The following FKBP1A variants were observed in gnomAD, a reference collection of about 807,000 sequenced individuals.
The protein encoded by FKBP1A is FKBP prolyl isomerase 1A.
A neutral mutation model predicts 14.2 loss-of-function variants in FKBP1A; 5 were observed. The ratio of observed to expected loss-of-function variants is 0.35; its 90% confidence interval spans 0.18 to 0.74. The LOEUF (loss-of-function observed/expected upper bound fraction) is 0.74. Ranked by LOEUF, FKBP1A falls within the 30% of genes least tolerant of loss-of-function variation. FKBP1A has a pLI of 0.56. For synonymous variants in FKBP1A, 42 were observed against 49.1 expected, an observed-to-expected ratio of 0.86 and a Z score of 0.60; for missense variants, 53 against 138.8, an observed-to-expected ratio of 0.38 and a Z score of 3.10.
At chr20:1,370,549 T>G in intron 4 of FKBP1A, 1 of 985,394 alleles carries the variant, frequency 1.0e-6, no homozygotes, top group Non-Finnish European at 1.2e-6. Flanking sequence ...GAGAATAAAC[T>G]GGTCATTCAT....
chr20:1,377,881 T>C (rs1438855407), intron 2 of FKBP1A: 3 of 152,232 alleles, frequency 2.0e-5, no homozygotes, highest in Non-Finnish European at 2.9e-5. Context: ...AGCTTCTCTC[T>C]GGTCTGTTAT....
intron 2 of FKBP1A, among the ~76,000 whole-genome samples, chr20:1,382,633 C>T (rs1161468206): frequency 1.3e-5 from 2 of 152,134 alleles, no homozygotes; most frequent in Non-Finnish European, 2.9e-5. Context: ...AAGCATGAGG[C>T]CTTCATATTT....
intron 2 of FKBP1A, among the ~76,000 whole-genome samples, chr20:1,376,181 C>A (rs1568587007): frequency 6.6e-6 from 1 of 152,354 alleles, no homozygotes; most frequent in Middle Eastern, 3.4e-3. Flanking sequence ...TGGGTCAGCA[C>A]TATGGGATGT....
At chr20:1,377,831 C>T (rs1401721426) in intron 2 of FKBP1A, 1 of 152,218 alleles carries the variant, frequency 6.6e-6, no homozygotes, top group Non-Finnish European at 1.5e-5. Flanking sequence ...CACGGAGTGG[C>T]AGGGCCTGTG....
At chr20:1,383,838 T>TAAA (rs544119938) in intron 2 of FKBP1A, among the ~76,000 whole-genome samples, 39 of 136,842 alleles carry the variant, frequency 2.8e-4, no homozygotes, top group African/African-American at 1.0e-3. Context: ...CTCTGTCTCT[T>TAAA]AAAAAAAAAA....
chr20:1,370,407 C>T (rs964474155), intron 4 of FKBP1A: 1 of 982,644 alleles, frequency 1.0e-6, no homozygotes, highest in African/African-American at 1.7e-5. Context: ...ATAGGCATCA[C>T]CTGGGGGCTT....
At chr20:1,391,580 A>C in intron 2 of FKBP1A, 1 of 397,750 alleles carries the variant, frequency 2.5e-6, no homozygotes, top group Non-Finnish European at 4.4e-6. Flanking sequence ...ATAAAAGGGC[A>C]TGGGAGGGGG....
At chr20:1,377,497 G>C (rs1159512257) in intron 2 of FKBP1A, 1 of 152,220 alleles carries the variant, frequency 6.6e-6, no homozygotes, top group Admixed American at 6.5e-5. Context: ...TCGTTTACCA[G>C]AATGCAGTCA....
At chr20:1,382,007 A>C (rs1600334847) in intron 2 of FKBP1A, among the ~76,000 whole-genome samples, 1 of 152,248 alleles carries the variant, frequency 6.6e-6, no homozygotes, top group Non-Finnish European at 1.5e-5. Flanking sequence ...GATTTCAATC[A>C]CGCCTCAGTA....
intron 4 of FKBP1A, chr20:1,371,151 T>C (rs953450131): frequency 2.0e-6 from 2 of 985,286 alleles, no homozygotes; most frequent in African/African-American, 3.5e-5. Context: ...CTGGTTCCTA[T>C]GGCAGGAGGG....
Position 1,370,072 on chromosome 20 carries a change from T to C in FKBP1A, c.*37A>G. ...AGGCACCAGATCCCTCCATGGCAGA[T>C]CTGTTGGGGACAGAAAATCTGTGAG... is the stretch of plus-strand genomic sequence containing the variant. On this transcript the variant is annotated splice_region_variant and 3_prime_UTR_variant, in exon 5 of 5. Transcript: ENST00000400137. The C allele has an allele frequency of 1.9e-6, 3 of 1,548,676 alleles. No homozygotes were observed. The highest frequency in any genetic ancestry group is 1.4e-5 in the African/African-American group (1 of 73,170).
At chr20:1,374,954 G>A (rs1403645964) in intron 3 of FKBP1A, among the ~76,000 whole-genome samples, 7 of 151,982 alleles carry the variant, frequency 4.6e-5, no homozygotes, top group East Asian at 1.9e-4. Context: ...CTCCTGCCTC[G>A]GCCTCCCAAG....
At position 1,393,035 on chromosome 20, in the gene FKBP1A, G is replaced by A. The variant is rs1407526733; in HGVS notation, c.-37C>T. 5 of 1,375,224 alleles carry A rather than the reference G, an allele frequency of 3.6e-6. No individual in the cohort carries two copies. The highest frequency in any genetic ancestry group is 1.5e-5 in the South Asian group (1 of 68,518). 85.2% of individuals were successfully genotyped at this position (1,375,224 alleles called of 1,614,324 possible). A position where few individuals can be genotyped will look rare whatever the true frequency, so the allele number is the denominator to read the frequency against. ...ACGCTGAGCGGGCGGGCGGCGCGAC[G>A]GGCGGCGTGGACCAACAGCGACCTG... On this transcript the variant is annotated 5_prime_UTR_variant, in exon 1 of 5. Transcript: ENST00000400137.
intron 2 of FKBP1A, among the ~76,000 whole-genome samples, chr20:1,392,024 G>A (rs1398726572): frequency 6.6e-6 from 1 of 152,220 alleles, no homozygotes; most frequent in African/African-American, 2.4e-5. Context: ...TCTGGCTGGG[G>A]AGGGGGAGGT....
chr20:1,391,640 G>A (rs1028440861), intron 2 of FKBP1A: 1 of 398,682 alleles, frequency 2.5e-6, no homozygotes, highest in Non-Finnish European at 4.4e-6. Context: ...TCCCTCAATA[G>A]AGGGATCCCT....
Position 1,371,567 on chromosome 20 carries a change from G to A in FKBP1A, c.*36+509C>T, listed in dbSNP as rs112781253. The A allele has an allele frequency of 2.4e-3, 788 of 330,946 alleles. 5 individuals are homozygous for A. The highest frequency in any genetic ancestry group is 0.016 in the African/African-American group (736 of 44,776). The allele number at this position is 330,946 out of a possible 1,614,324, so 20.5% of individuals were successfully genotyped here. On this transcript the variant is annotated intron_variant, in intron 4 of 4. Transcript: ENST00000400137. ...GGTGTGGACCCTGAGCAGGTGGACC[G>A]ATGCAGGAATGCCTCCCTCATACCA... is the stretch of plus-strand genomic sequence containing the variant.
chr20:1,385,002 T>C (rs1260303238), intron 2 of FKBP1A, among the ~76,000 whole-genome samples: 1 of 152,230 alleles, frequency 6.6e-6, no homozygotes, highest in Admixed American at 6.5e-5. Flanking sequence ...CCAGAATGCA[T>C]GCCCTGTGGG....
At chr20:1,376,063 T>C (rs2089538749) in intron 2 of FKBP1A, among the ~76,000 whole-genome samples, 1 of 152,160 alleles carries the variant, frequency 6.6e-6, no homozygotes, top group African/African-American at 2.4e-5. Context: ...TATATATTGC[T>C]CCTCCATTGT....
intron 4 of FKBP1A, among the ~76,000 whole-genome samples, chr20:1,371,520 C>T (rs771740738): frequency 2.0e-5 from 3 of 152,192 alleles, no homozygotes; most frequent in Non-Finnish European, 4.4e-5. Flanking sequence ...GATAAGCTGG[C>T]CTGGGGGCCT....
Sources: allele counts gnomAD v4.1 joint callset (sites outside exome capture counted in the v4.1 genomes callset), GRCh38; gene constraint gnomAD v4.1.1; transcripts MANE v1.5; gene names NCBI Gene and HGNC (gene_info 2026-07-23, HGNC 2026-07-21).